Variants in TENM2 observed in about 807,000 individuals in gnomAD.
The protein encoded by TENM2 is teneurin-2.
In TENM2, 52 loss-of-function variants were observed where a neutral mutation model predicts 245.2. The ratio of observed to expected loss-of-function variants is 0.21; its 90% confidence interval spans 0.17 to 0.27. TENM2 has a LOEUF of 0.27. Among genes scored for constraint, TENM2 ranks in the 10% least tolerant of loss-of-function variants. The probability of loss-of-function intolerance (pLI) is 1.00; values close to 1 mark genes in which losing one functional copy is unlikely to be tolerated. For missense variants in TENM2, 3,046 were observed against 3,666.8 expected, an observed-to-expected ratio of 0.83 and a Z score of 4.37; for synonymous variants, 1,363 against 1,438.9, an observed-to-expected ratio of 0.95 and a Z score of 1.19.
At chr5:167,364,747 A>G (rs1759937755) in intron 1 of TENM2, among the ~76,000 whole-genome samples, 3 of 152,070 alleles carry the variant, frequency 2.0e-5, no homozygotes, top group Non-Finnish European at 2.9e-5. Flanking sequence ...TAAAAGGGTC[A>G]ATTTATTCTA....
intron 12 of TENM2, among the ~76,000 whole-genome samples, chr5:168,141,390 G>C (rs1031134288): frequency 6.6e-6 from 1 of 152,174 alleles, no homozygotes; most frequent in Non-Finnish European, 1.5e-5. Context: ...GAAACACCTG[G>C]CCATTTTAAA....
At chr5:167,317,361 A>G (rs1449832710) in intron 1 of TENM2, among the ~76,000 whole-genome samples, 1 of 152,214 alleles carries the variant, frequency 6.6e-6, no homozygotes, top group East Asian at 1.9e-4. Flanking sequence ...TGGCGGTTAC[A>G]TATCTTAGTT....
chr5:167,225,084 A>T, the TENM2 span, among the ~76,000 whole-genome samples: 1 of 152,012 alleles, frequency 6.6e-6, no homozygotes, highest in Non-Finnish European at 1.5e-5. Context: ...TTTGTATATC[A>T]GTTCTAAGAG....
Position 167,911,386 on chromosome 5 carries a change from GCGT to G in TENM2, c.712+35192_712+35194del, listed in dbSNP as rs1383547209. ...CTAAAAATACAAAAAAAATAGCTGG[GCGT>G]GGTGGCGGGCGCCTGTAGTCCCAGC... On this transcript the variant is annotated intron_variant, in intron 3 of 28. Coordinates refer to ENST00000518659, the Ensembl canonical transcript of TENM2. 2.6e-5 allele frequency among the ~76,000 whole-genome samples: 4 copies of G among 152,260 alleles called. No homozygotes were observed. The East Asian group carries it at 7.8e-4, about 30-fold the overall frequency.
At chr5:168,121,518 A>T (rs1489238172) in intron 10 of TENM2, among the ~76,000 whole-genome samples, 2 of 152,240 alleles carry the variant, frequency 1.3e-5, no homozygotes, top group Admixed American at 6.5e-5. Context: ...GGGTTAGCTC[A>T]TATTTTTAGA....
At chr5:167,806,065 G>A (rs905447599) in intron 2 of TENM2, among the ~76,000 whole-genome samples, 1 of 152,146 alleles carries the variant, frequency 6.6e-6, no homozygotes, top group African/African-American at 2.4e-5. Flanking sequence ...AGGGACAGGT[G>A]CAGAAATTTA....
chr5:167,371,478 T>A (rs2127298911), intron 1 of TENM2, among the ~76,000 whole-genome samples: 1 of 151,776 alleles, frequency 6.6e-6, no homozygotes, highest in South Asian at 2.1e-4. Flanking sequence ...TCTCCTGCCT[T>A]GGCCTCCCGA....
chr5:168,041,761 G>A (rs1160169083), intron 5 of TENM2, among the ~76,000 whole-genome samples: 1 of 152,182 alleles, frequency 6.6e-6, no homozygotes, highest in Non-Finnish European at 1.5e-5. Flanking sequence ...CACCCAGTGG[G>A]TGTTTAGTAA....
At chr5:167,099,350 G>C in the TENM2 span, among the ~76,000 whole-genome samples, 1 of 152,074 alleles carries the variant, frequency 6.6e-6, no homozygotes, top group Non-Finnish European at 1.5e-5. Context: ...TCACTGTTTG[G>C]CTAATAAGAA....
At position 167,315,146 on chromosome 5, in the gene TENM2, A is replaced by C. The variant is rs1411942673; in HGVS notation, c.226+30083A>C. ...TGGAAATGAGATTACTAGATCAAAA[A>C]GTATTAATGCTTTTTTGGTTGTTTA... On this transcript the variant is annotated intron_variant, in intron 1 of 28. Coordinates refer to ENST00000518659, the Ensembl canonical transcript of TENM2. Among the ~76,000 whole-genome samples the C allele has an allele frequency of 4.6e-5, 7 of 152,142 alleles. No individual in the cohort carries two copies. The East Asian group carries it at 1.2e-3, about 25-fold the overall frequency.
intron 2 of TENM2, among the ~76,000 whole-genome samples, chr5:167,681,490 A>G (rs1756701793): frequency 6.6e-6 from 1 of 152,150 alleles, no homozygotes; most frequent in African/African-American, 2.4e-5. Context: ...CTTTGTATAT[A>G]TACTTAATTT....
At chr5:168,200,674 A>G (rs1388056706) in intron 17 of TENM2, among the ~76,000 whole-genome samples, 1 of 152,208 alleles carries the variant, frequency 6.6e-6, no homozygotes, top group Non-Finnish European at 1.5e-5. Flanking sequence ...ATCAGAAAAC[A>G]GGGTTTGAGG....
upstream of TENM2, among the ~76,000 whole-genome samples, chr5:167,280,818 T>C (rs1771014543): frequency 6.6e-6 from 1 of 150,946 alleles, no homozygotes; most frequent in African/African-American, 2.4e-5. Flanking sequence ...GTCATCTATC[T>C]AATTTCTTTT....
chr5:167,837,029 T>C (rs571322482), intron 2 of TENM2, among the ~76,000 whole-genome samples: 1 of 151,832 alleles, frequency 6.6e-6, no homozygotes, highest in African/African-American at 2.4e-5. Flanking sequence ...AAAGAAAATT[T>C]CCTATAATTC....
At chr5:167,620,115 C>T (rs978435608) in intron 2 of TENM2, among the ~76,000 whole-genome samples, 2 of 152,078 alleles carry the variant, frequency 1.3e-5, no homozygotes, top group South Asian at 2.1e-4. Context: ...GGTCAATAGT[C>T]GGCCGTGTGG....
At chr5:167,789,541 G>A (rs1274248058) in intron 2 of TENM2, among the ~76,000 whole-genome samples, 1 of 152,078 alleles carries the variant, frequency 6.6e-6, no homozygotes, top group Admixed American at 6.5e-5. Context: ...CCTCTTCCAG[G>A]TTGGTTGGAC....
In TENM2 at chr5:167,808,895, G is replaced by A. The variant is rs571490845; in HGVS notation, c.503-67091G>A. On this transcript the variant is annotated intron_variant, in intron 2 of 28. Transcript: ENST00000518659. ...TGTAAAGTGTCTATGACAATATTTC[G>A]TCAATACTAAAATGCACTCATTTGC... Among the ~76,000 whole-genome samples, 27 of 152,090 alleles carry A rather than the reference G, an allele frequency of 1.8e-4. 1 individual carries two copies. The highest frequency in any genetic ancestry group is 1.4e-3 in the East Asian group (7 of 5,158).
chr5:167,717,472 G>A (rs1759346201), intron 2 of TENM2, among the ~76,000 whole-genome samples: 1 of 152,112 alleles, frequency 6.6e-6, no homozygotes, highest in Non-Finnish European at 1.5e-5. Context: ...AGATTCGATG[G>A]ACATAGGCAC....
intron 2 of TENM2, among the ~76,000 whole-genome samples, chr5:167,622,565 C>G (rs1015658084): frequency 3.9e-5 from 6 of 152,108 alleles, no homozygotes; most frequent in Non-Finnish European, 8.8e-5. Flanking sequence ...ACCATTATTT[C>G]TTCCATAATA....
Sources: allele counts gnomAD v4.1 joint callset (sites outside exome capture counted in the v4.1 genomes callset), GRCh38; gene constraint gnomAD v4.1.1; transcripts MANE v1.5; gene names NCBI Gene and HGNC (gene_info 2026-07-23, HGNC 2026-07-21).